Variants in CAMTA1 observed in about 807,000 individuals in gnomAD.
The protein encoded by CAMTA1 is calmodulin binding transcription activator 1, also known as calmodulin-binding transcription activator 1.
Under a neutral mutation model 170.9 loss-of-function variants are expected in CAMTA1, and 27 were observed. The observed-to-expected ratio is 0.16, with a 90% confidence interval of 0.12 to 0.22. The LOEUF is 0.22. CAMTA1 is among the 10% of genes least tolerant of loss of function. The pLI, the probability that CAMTA1 is intolerant of heterozygous loss-of-function variation, is 1.00. For synonymous variants in CAMTA1, 833 were observed against 891.5 expected (o/e 0.93, Z 1.17); for missense variants, 1,619 against 2,217.2 (o/e 0.73, Z 5.42).
chr1:7,153,845 A>T (rs1344343152), intron 4 of CAMTA1, among the ~76,000 whole-genome samples: 2 of 152,224 alleles, frequency 1.3e-5, no homozygotes, highest in African/African-American at 4.8e-5. Context: ...GACAGTGGAC[A>T]TGCTGTTAAA....
At chr1:7,018,198 G>C (rs1700838302) in intron 3 of CAMTA1, among the ~76,000 whole-genome samples, 1 of 152,026 alleles carries the variant, frequency 6.6e-6, no homozygotes, top group Non-Finnish European at 1.5e-5. Context: ...TCTGGGGATG[G>C]ATGGAGCGGG....
At chr1:7,656,623 C>T (rs546258204) in intron 7 of CAMTA1, among the ~76,000 whole-genome samples, 2 of 152,248 alleles carry the variant, frequency 1.3e-5, no homozygotes, top group East Asian at 1.9e-4. Flanking sequence ...TGAAGCTCTC[C>T]GCCGCTTCCC....
intron 6 of CAMTA1, among the ~76,000 whole-genome samples, chr1:7,599,659 C>T (rs1289191654): frequency 1.3e-5 from 2 of 152,068 alleles, no homozygotes; most frequent in African/African-American, 4.8e-5. Context: ...CCTTCATGTC[C>T]CTTGTAAGTT....
At chr1:7,586,575 G>A (rs908357698) in intron 6 of CAMTA1, among the ~76,000 whole-genome samples, 1 of 152,154 alleles carries the variant, frequency 6.6e-6, no homozygotes, top group African/African-American at 2.4e-5. Context: ...CCGTCCCCAT[G>A]GGCCTGCAGC....
chr1:7,560,701 C>A (rs2094945077), intron 6 of CAMTA1, among the ~76,000 whole-genome samples: 1 of 152,080 alleles, frequency 6.6e-6, no homozygotes, highest in Non-Finnish European at 1.5e-5. Flanking sequence ...GGTGTAAGAC[C>A]CTGTGTCACT....
At chr1:7,283,597 T>C (rs1418918531) in intron 5 of CAMTA1, among the ~76,000 whole-genome samples, 1 of 152,222 alleles carries the variant, frequency 6.6e-6, no homozygotes, top group Non-Finnish European at 1.5e-5. Flanking sequence ...CCCCAAGTCA[T>C]GATCTTCATC....
chr1:6,879,838 G>T (rs1671004430), intron 3 of CAMTA1, among the ~76,000 whole-genome samples: 2 of 150,476 alleles, frequency 1.3e-5, no homozygotes, highest in Admixed American at 6.6e-5. Flanking sequence ...TGTTGCCCAG[G>T]CTGATCTCGA....
At chr1:7,652,171 A>G (rs1257606730) in intron 7 of CAMTA1, among the ~76,000 whole-genome samples, 1 of 151,592 alleles carries the variant, frequency 6.6e-6, no homozygotes, top group Admixed American at 6.6e-5. Flanking sequence ...AATTCCCCCC[A>G]AATGCACCTC....
rs1247194199 is a variant in CAMTA1, at chr1:7,547,570, T to G, written c.510+79669T>G. ...TTACATTGTTACTAGGTATTATAAG[T>G]AATCTAAAGATGATTTAAATCAAGC... On this transcript the variant is annotated intron_variant, in intron 6 of 22. Coordinates refer to ENST00000303635, the MANE Select transcript of CAMTA1 (RefSeq NM_015215.4). This position sits in a 1 kb window ranked among gnomAD's most constrained non-coding sequence, Gnocchi z 5.7. Among the ~76,000 whole-genome samples the G allele has an allele frequency of 6.6e-6, 1 of 152,222 alleles. No individual in the cohort carries two copies. The highest frequency in any genetic ancestry group is 6.5e-5 in the Admixed American group (1 of 15,276).
At chr1:7,651,857 C>T (rs936929687) in intron 7 of CAMTA1, among the ~76,000 whole-genome samples, 2 of 152,270 alleles carry the variant, frequency 1.3e-5, no homozygotes, top group African/African-American at 4.8e-5. Context: ...ACGGTGCTGC[C>T]ACCCGGTCTC....
chr1:7,594,217 G>GGAAGGAAA (rs1553214874), intron 6 of CAMTA1, among the ~76,000 whole-genome samples: 205 of 150,196 alleles, frequency 1.4e-3, no homozygotes, highest in African/African-American at 4.9e-3. Flanking sequence ...AAGGAAGGAA[G>GGAAGGAAA]GAAGGAAGGA....
chr1:7,104,337 A>C (rs758949326), intron 4 of CAMTA1, among the ~76,000 whole-genome samples: 78 of 150,630 alleles, frequency 5.2e-4, no homozygotes, highest in Non-Finnish European at 9.9e-4. Flanking sequence ...ATATACATAC[A>C]TGTACACACA....
chr1:7,556,796 C>T (rs1002120374), intron 6 of CAMTA1, among the ~76,000 whole-genome samples: 1 of 152,072 alleles, frequency 6.6e-6, no homozygotes, highest in East Asian at 1.9e-4. Flanking sequence ...CTGCTTGGGC[C>T]TCTGTGGTGG....
intron 11 of CAMTA1, 77 bp downstream of exon 11, chr1:7,677,810 AG>A: frequency 6.6e-7 from 1 of 1,513,496 alleles, no homozygotes; most frequent in Non-Finnish European, 8.9e-7. Flanking sequence ...AAGGTGTGAA[AG>A]AAGAGTAAGC....
intron 3 of CAMTA1, among the ~76,000 whole-genome samples, chr1:6,911,740 G>A (rs1422783040): frequency 3.3e-5 from 5 of 152,172 alleles, no homozygotes; most frequent in Non-Finnish European, 5.9e-5. Context: ...TGGGAAGGCC[G>A]AGAACCACCT....
intron 3 of CAMTA1, among the ~76,000 whole-genome samples, chr1:7,003,040 C>G (rs1698468553): frequency 6.6e-6 from 1 of 152,254 alleles, no homozygotes; most frequent in African/African-American, 2.4e-5. Context: ...TATTCACATT[C>G]TGGTCTGGGC....
intron 6 of CAMTA1, among the ~76,000 whole-genome samples, chr1:7,468,330 T>C (rs2093259632): frequency 6.6e-6 from 1 of 152,238 alleles, no homozygotes; most frequent in African/African-American, 2.4e-5. Flanking sequence ...ACAGCTGGAT[T>C]GATTGGGATA....
intron 2 of CAMTA1, among the ~76,000 whole-genome samples, chr1:6,823,493 T>C (rs1301829645): frequency 6.6e-6 from 1 of 152,174 alleles, no homozygotes; most frequent in Non-Finnish European, 1.5e-5. Flanking sequence ...CTTATAGAAA[T>C]AGAGGATGGG....
chr1:7,097,182 T>G (rs1335190367), intron 4 of CAMTA1, among the ~76,000 whole-genome samples: 2 of 152,256 alleles, frequency 1.3e-5, no homozygotes. Context: ...CCAATTCAGC[T>G]GTCATGAGTG....
Sources: gnomAD v4.1 joint callset for allele counts (sites outside exome capture counted in the v4.1 genomes callset) on GRCh38, gnomAD v4.1.1 for gene constraint, Gnocchi (gnomAD v3.1) non-coding constraint, MANE v1.5 for transcripts, NCBI Gene and HGNC (gene_info 2026-07-23, HGNC 2026-07-21) for gene names.